CHAT: variants seen among roughly 807,000 people sequenced by gnomAD.
The protein encoded by CHAT is choline O-acetyltransferase.
A neutral mutation model predicts 76.9 loss-of-function variants in CHAT; 61 were observed. The observed-to-expected ratio is 0.79, with a 90% confidence interval of 0.65 to 0.98. CHAT has a LOEUF of 0.98. Among genes scored for constraint, CHAT ranks in the 50% least tolerant of loss-of-function variants. The probability of loss-of-function intolerance (pLI) is 0.00; values close to 1 mark genes in which losing one functional copy is unlikely to be tolerated. For missense variants in CHAT, 946 were observed against 986.9 expected (o/e 0.96, Z 0.56); for synonymous variants, 407 against 397.4 (o/e 1.02, Z -0.29).
At chr10:49,654,438 G>T (rs1019237721) in intron 11 of CHAT, among the ~76,000 whole-genome samples, 14 of 152,370 alleles carry the variant, frequency 9.2e-5, no homozygotes, top group African/African-American at 3.1e-4. Context: ...ACCAAGTGGT[G>T]AGAAAGGGAG....
chr10:49,657,961 C>A (rs541236978), intron 13 of CHAT, among the ~76,000 whole-genome samples: 1 of 152,224 alleles, frequency 6.6e-6, no homozygotes, highest in Non-Finnish European at 1.5e-5. Flanking sequence ...CATAAATCTT[C>A]TAATCATATT....
At chr10:49,610,086 G>T (rs1321374844), upstream of CHAT, among the ~76,000 whole-genome samples, 2 of 151,906 alleles carry the variant, frequency 1.3e-5, no homozygotes, top group Admixed American at 6.5e-5. Context: ...CATCCCAGGG[G>T]CTGGTTCAAG....
At chr10:49,653,246 G>C (rs189509964) in intron 11 of CHAT, among the ~76,000 whole-genome samples, 2 of 152,106 alleles carry the variant, frequency 1.3e-5, no homozygotes, top group Non-Finnish European at 2.9e-5. Flanking sequence ...CGGGGAAGGG[G>C]TGAATAGTAG....
chr10:49,621,159 TC>T (rs1293481360), intron 4 of CHAT, among the ~76,000 whole-genome samples: 3 of 152,296 alleles, frequency 2.0e-5, no homozygotes, highest in African/African-American at 4.8e-5. Flanking sequence ...AGAAAGGGTT[TC>T]CCTTCTGGAG....
At chr10:49,652,856 G>A (rs1290824822) in intron 11 of CHAT, among the ~76,000 whole-genome samples, 1 of 151,634 alleles carries the variant, frequency 6.6e-6, no homozygotes, top group Admixed American at 6.6e-5. Flanking sequence ...TGTGGGCTCA[G>A]GGTCACCACC....
At chr10:49,620,645 G>T (rs1031632643) in intron 4 of CHAT, 32 bp downstream of exon 4, 2 of 1,549,706 alleles carry the variant, frequency 1.3e-6, no homozygotes, top group South Asian at 1.1e-5. Flanking sequence ...CTCATAACCT[G>T]GGGACCCACC....
At chr10:49,635,585 A>G (rs1839267365) in intron 7 of CHAT, among the ~76,000 whole-genome samples, 1 of 152,218 alleles carries the variant, frequency 6.6e-6, no homozygotes, top group Admixed American at 6.5e-5. Context: ...CATCTTTGCC[A>G]GCATTTGGTG....
At position 49,657,236 on chromosome 10, in the gene CHAT, A is replaced by G. The variant is rs1467988631; in HGVS notation, c.1839+1788A>G. ...TTCCAAGATGGTGCCATGTTGCTGC[A>G]TTCTCCTGAGGGGACAAGTGCTGTG... On this transcript the variant is annotated intron_variant, in intron 13 of 14. Transcript: ENST00000337653. Among the ~76,000 whole-genome samples the G allele has an allele frequency of 2.0e-5, 3 of 152,154 alleles. No individual in the cohort carries two copies. In the East Asian group the frequency reaches 5.8e-4, roughly 29 times the overall value.
chr10:49,645,794 G>GA (rs1239924893), intron 7 of CHAT, among the ~76,000 whole-genome samples: 1 of 152,204 alleles, frequency 6.6e-6, no homozygotes, highest in Non-Finnish European at 1.5e-5. Flanking sequence ...AATGTCTAGA[G>GA]GAGCCTGGGA....
chr10:49,636,711 A>C (rs943082977), intron 7 of CHAT, among the ~76,000 whole-genome samples: 1 of 152,166 alleles, frequency 6.6e-6, no homozygotes, highest in Non-Finnish European at 1.5e-5. Flanking sequence ...ATTTATGCCT[A>C]GTGTTCCATT....
At chr10:49,634,493 G>T (rs1278338384) in intron 7 of CHAT, among the ~76,000 whole-genome samples, 1 of 152,204 alleles carries the variant, frequency 6.6e-6, no homozygotes, top group Non-Finnish European at 1.5e-5. Flanking sequence ...GGGCCCTCAG[G>T]CTGCTTTGCT....
chr10:49,610,803 G>A (rs746751945), upstream of CHAT: 1 of 1,593,284 alleles, frequency 6.3e-7, no homozygotes, highest in Non-Finnish European at 8.5e-7. Flanking sequence ...CGGAGGCTGT[G>A]GGCGCGGCGC....
chr10:49,640,578 C>A (rs1031211403), intron 7 of CHAT, among the ~76,000 whole-genome samples: 1 of 152,122 alleles, frequency 6.6e-6, no homozygotes, highest in Non-Finnish European at 1.5e-5. Flanking sequence ...CTGGTTATTG[C>A]TCAATGGAGA....
chr10:49,610,730 G>C (rs761377529), upstream of CHAT: 46 of 1,492,540 alleles, frequency 3.1e-5, no homozygotes, highest in Non-Finnish European at 4.1e-5. Context: ...GAAGAGCATC[G>C]GGGTGGGGGC....
chr10:49,614,988 G>T (rs1838432601), intron 1 of CHAT, among the ~76,000 whole-genome samples: 1 of 112,140 alleles, frequency 8.9e-6, no homozygotes, highest in Admixed American at 9.8e-5. Flanking sequence ...GAGCATGGGT[G>T]GGAGGCACAA....
At chr10:49,657,822 A>T (rs1313694099) in intron 13 of CHAT, among the ~76,000 whole-genome samples, 1 of 152,218 alleles carries the variant, frequency 6.6e-6, no homozygotes, top group Non-Finnish European at 1.5e-5. Flanking sequence ...CCACAGTGAA[A>T]GAGCCTAGTC....
chr10:49,612,370 C>T (rs1214897578), upstream of CHAT: 3 of 1,553,694 alleles, frequency 1.9e-6, no homozygotes, highest in Non-Finnish European at 2.6e-6. Context: ...CCCACCCAAC[C>T]GCCTTGGGTC....
rs530819058 is a variant in CHAT, at chr10:49,628,316, C to T, written c.1111+531C>T. Among the ~76,000 whole-genome samples, 3 of 152,322 alleles carry T rather than the reference C, an allele frequency of 2.0e-5. No individual in the cohort carries two copies. In the South Asian group the frequency reaches 6.2e-4, roughly 32 times the overall value. ...GCCAGGAATATTCTTGAAAATTTTT[C>T]ATCACCCTTCTGGAAACTACTTTCA... On this transcript the variant is annotated intron_variant, in intron 7 of 14. Coordinates refer to ENST00000337653, the MANE Select transcript of CHAT (RefSeq NM_020549.5).
intron 7 of CHAT, chr10:49,637,497 G>A (rs1839334182): frequency 6.6e-6 from 1 of 152,174 alleles, no homozygotes; most frequent in Non-Finnish European, 1.5e-5. Context: ...TCTCATGACA[G>A]TCAGTGAGTT....
Sources: allele counts gnomAD v4.1 joint callset (sites outside exome capture counted in the v4.1 genomes callset), GRCh38; gene constraint gnomAD v4.1.1; transcripts MANE v1.5; gene names NCBI Gene and HGNC (gene_info 2026-07-23, HGNC 2026-07-21).